Variants in PCNX3 observed in about 807,000 individuals in gnomAD.
The protein encoded by PCNX3 is pecanex-like protein 3.
PCNX3 carries 58 observed loss-of-function variants against 207.2 expected under a neutral mutation model. The ratio of observed to expected loss-of-function variants is 0.28; its 90% CI spans 0.23 to 0.35. The LOEUF (loss-of-function observed/expected upper bound fraction) is 0.35. Ranked by LOEUF, PCNX3 falls within the 10% of genes least tolerant of loss-of-function variation. The pLI is 1.00. For missense variants in PCNX3, 2,410 were observed against 2,774.4 expected (o/e 0.87, Z 2.95); for synonymous variants, 1,337 against 1,183.5 (o/e 1.13, Z -2.66).
intron 12 of PCNX3, 111 bp from the exon 13 acceptor site, chr11:65,623,818 G>T (rs1469795005): frequency 6.4e-7 from 1 of 1,555,422 alleles, no homozygotes; most frequent in Admixed American, 1.7e-5. Context: ...CAGTTCGGGG[G>T]CCTGACCTGG....
rs1292093185 is a variant in PCNX3 at position 65,635,917 on chromosome 11, T to A, written c.5459+114T>A. ...GAGCCAGGGCTTGAATCCCGAGAGATGACCCCCTCCCAGAGCTGACCTGCC... is the reference window on the plus strand; with the variant it reads ...GAGCCAGGGCTTGAATCCCGAGAGAAGACCCCCTCCCAGAGCTGACCTGCC... On this transcript the variant is annotated intron_variant, in intron 32 of 34. Transcript: ENST00000355703. This position sits in a 1 kb window ranked among gnomAD's most constrained non-coding sequence, Gnocchi z 9.9. 23 of 1,405,680 alleles carry A rather than the reference T, an allele frequency of 1.6e-5. No individual in the cohort carries two copies. The highest frequency in any genetic ancestry group is 2.2e-5 in the Non-Finnish European group (23 of 1,057,774). The allele number at this position is 1,405,680 out of a possible 1,614,324, so 87.1% of individuals were successfully genotyped here.
chr11:65,619,711 C>T lies in PCNX3; in HGVS notation c.1830-43C>T, dbSNP rs200861189. 1.9e-4 allele frequency: 292 copies of T among 1,564,764 alleles called. 1 individual carries two copies. In the African/African-American group the frequency reaches 2.6e-3, roughly 14 times the overall value. On this transcript the variant is annotated intron_variant, in intron 7 of 34. Transcript: ENST00000355703. ...GGGGCACCGGGGGCCGGGGAGGGCCCGCAAGCTCTAGCTGGCGCTGACCTG... is the reference window on the plus strand; with the variant it reads ...GGGGCACCGGGGGCCGGGGAGGGCCTGCAAGCTCTAGCTGGCGCTGACCTG...
Position 65,618,413 on chromosome 11 carries a change from G to C in PCNX3, c.1051G>C (p.Ala351Pro). Residue 351 changes from alanine (A) to proline (P), a missense_variant, in exon 6 of 35, where the codon GCC becomes CCC. This residue lies in a region of PCNX3 where 1,104 missense variants were observed against 970.3 expected (regional missense o/e 1.14). Transcript: ENST00000355703. ...SEAELPASPD[A>P]GVPSDDTLRS... Reference sequence around the variant, plus strand: ...GGCTGAGCTGCCTGCCTCACCAGACGCCGGGGTCCCCTCAGATGACACGCT... The same window carrying C: ...GGCTGAGCTGCCTGCCTCACCAGACCCCGGGGTCCCCTCAGATGACACGCT... 1 of 1,612,496 alleles carries C rather than the reference G, an allele frequency of 6.2e-7. No individual in the cohort carries two copies. Among genetic ancestry groups the C allele is most frequent in the Non-Finnish European group, 8.5e-7 (1 of 1,179,732 alleles).
chr11:65,631,010 G>A (rs987323591), intron 27 of PCNX3, among the ~76,000 whole-genome samples: 4 of 152,222 alleles, frequency 2.6e-5, no homozygotes, highest in African/African-American at 4.8e-5. Context: ...CGCTATGCTG[G>A]GCATCTCTCC....
In PCNX3 at chr11:65,625,477, G is replaced by A. The variant is rs781064157; in HGVS notation, c.3102G>A (p.Pro1034=). The change falls in exon 18 of 35, where the codon CCG becomes CCA. Residue 1034 remains proline (P), a synonymous_variant. Coordinates refer to ENST00000355703, the MANE Select transcript of PCNX3 (RefSeq NM_032223.4). This position sits in a 1 kb window ranked among gnomAD's most constrained non-coding sequence, Gnocchi z 5.6. The part of the protein sequence containing the change: ...RSLETARAEP[P]DPLPDKMRQS... ...TGGAGACAGCCCGGGCCGAGCCCCC[G>A]GACCCCTTGCCGGACAAGATGCGCC... 41 of 1,605,270 alleles carry A rather than the reference G, an allele frequency of 2.6e-5. No individual in the cohort carries two copies. Among genetic ancestry groups the A allele is most frequent in the African/African-American group, 6.7e-5 (5 of 74,926 alleles).
chr11:65,634,929 C>A, intron 29 of PCNX3, 44 bp from the exon 30 acceptor site: 1 of 1,586,450 alleles, frequency 6.3e-7, no homozygotes, highest in South Asian at 1.1e-5. Flanking sequence ...ACCCCTGGGT[C>A]CTCGACACCC....
At position 65,618,741 on chromosome 11, in the gene PCNX3, G is replaced by A; in HGVS notation, c.1379G>A (p.Gly460Asp). The A allele has an allele frequency of 2.5e-6, 4 of 1,612,220 alleles. No homozygotes were observed. The highest frequency in any genetic ancestry group is 2.2e-5 in the South Asian group (2 of 91,050). Residue 460 changes from glycine (G) to aspartate (D), a missense_variant, in exon 6 of 35, where the codon GGT becomes GAT. Around this residue, in one of 8 missense-constraint regions of PCNX3, gnomAD observed 1,104 missense variants for 970.3 expected, o/e 1.14. Transcript: ENST00000355703. ...TSCYSPESSR[G>D]AAGGPRKRRA... ...TGCTACTCCCCTGAGAGCTCCCGGG[G>A]TGCAGCAGGGGGACCCCGGAAGCGG...
Position 65,618,864 on chromosome 11 carries a change from C to G in PCNX3, c.1502C>G (p.Ala501Gly). The change falls in exon 6 of 35, where the codon GCC (alanine) becomes GGC (glycine). Residue 501 changes from alanine to glycine, a missense_variant. By Grantham distance (60) the Ala-to-Gly change is moderately conservative (BLOSUM62 0). Around this residue, in one of 8 missense-constraint regions of PCNX3, gnomAD observed 1,104 missense variants for 970.3 expected, o/e 1.14. Transcript: ENST00000355703. The stretch of plus-strand genomic sequence containing the variant: ...AGTACCGCCAGCGCTAAAACACATG[C>G]CCGTGTGCTGAGCATGGATGGGGCT... ...TPSTASAKTH[A>G]RVLSMDGAGG... is the part of the protein sequence containing the mutation. 3 of 1,610,526 alleles carry G rather than the reference C, an allele frequency of 1.9e-6. No individual in the cohort carries two copies. The highest frequency in any genetic ancestry group is 2.5e-6 in the Non-Finnish European group (3 of 1,179,042).
At chr11:65,634,065 G>A in intron 27 of PCNX3, 61 bp from the exon 28 acceptor site, 1 of 1,456,672 alleles carries the variant, frequency 6.9e-7, no homozygotes, top group Admixed American at 1.9e-5. Flanking sequence ...GAACCTCCAT[G>A]CTTTCTCCTC....
intron 26 of PCNX3, 75 bp from the exon 27 acceptor site, chr11:65,630,276 T>C: frequency 6.5e-7 from 1 of 1,534,064 alleles, no homozygotes; most frequent in South Asian, 1.2e-5. Context: ...TCTGATGCCA[T>C]GTTGGTCACT....
At position 65,616,814 on chromosome 11, in the gene PCNX3, T is replaced by C. The variant is rs1449641293; in HGVS notation, c.154-10T>C. On this transcript the variant is annotated splice_polypyrimidine_tract_variant and intron_variant, in intron 1 of 34. Transcript: ENST00000355703. ...TTGTGAAAAGGGACCTGGCTTACTT[T>C]CATCTTCAGGTCCTGCCTCCCAGCT... 2 of 1,606,298 alleles carry C rather than the reference T, an allele frequency of 1.2e-6. No individual in the cohort carries two copies. The highest frequency in any genetic ancestry group is 1.3e-5 in the African/African-American group (1 of 74,952).
At chr11:65,619,993 C>G (rs149450828) in intron 8 of PCNX3, 61 bp downstream of exon 8, 6 of 1,507,274 alleles carry the variant, frequency 4.0e-6, no homozygotes, top group Admixed American at 3.8e-5. Flanking sequence ...CAGCCTGAGT[C>G]CTCCTAGCAG....
chr11:65,622,181 A>G, intron 10 of PCNX3, 64 bp from the exon 11 acceptor site: 1 of 1,538,152 alleles, frequency 6.5e-7, no homozygotes, highest in Non-Finnish European at 8.8e-7. Context: ...GGCGGGGCTG[A>G]CGGCCGCGGC....
rs1565153559 is a variant in PCNX3, at chr11:65,618,456, T to C, written c.1094T>C (p.Val365Ala). 2 of 1,610,282 alleles carry C rather than the reference T, an allele frequency of 1.2e-6. No individual in the cohort carries two copies. The highest frequency in any genetic ancestry group is 1.7e-6 in the Non-Finnish European group (2 of 1,178,854). Residue 365 changes from valine to alanine, a missense_variant, in exon 6 of 35, where the codon GTC becomes GCC. By Grantham distance (64) the Val-to-Ala change is moderately conservative. Coordinates refer to ENST00000355703, the MANE Select transcript of PCNX3 (RefSeq NM_032223.4). ...SDDTLRSFDT[V>A]IGAGTPPGLA... ...GACACGCTGCGTTCCTTTGACACGG[T>C]CATTGGAGCAGGGACGCCACCGGGC...
At chr11:65,630,628 G>C in intron 27 of PCNX3, 24 bp downstream of exon 27, 2 of 1,598,118 alleles carry the variant, frequency 1.3e-6, no homozygotes, top group Non-Finnish European at 1.7e-6. Context: ...GTGTGGCCGG[G>C]CAGCAGGGCC....
In PCNX3 at chr11:65,620,835, C is replaced by G; in HGVS notation, c.2104C>G (p.Arg702Gly). ...GEQTANGAWD[R>G]HSHSSSFHSA... ...TGATGGCTGCTGTTCTCACAGGGAC[C>G]GACACTCGCATTCCTCCAGCTTCCA... The change falls in exon 10 of 35, where the codon CGA (arginine) becomes GGA (glycine). Residue 702 changes from arginine (R) to glycine (G), a missense_variant. Transcript: ENST00000355703. 6.3e-7 allele frequency: 1 copy of G among 1,595,768 alleles called. No homozygotes were observed.
At chr11:65,624,650 C>G in intron 15 of PCNX3, 69 bp downstream of exon 15, 1 of 1,393,834 alleles carries the variant, frequency 7.2e-7, no homozygotes, top group Non-Finnish European at 9.9e-7. Context: ...CGGATTGGGT[C>G]CTTGGCTCCA....
intron 12 of PCNX3, 43 bp from the exon 13 acceptor site, chr11:65,623,886 T>C (rs1358311120): frequency 6.2e-7 from 1 of 1,612,212 alleles, no homozygotes; most frequent in East Asian, 2.2e-5. Flanking sequence ...GACCATCCCG[T>C]GGGCATCGGC....
Position 65,623,567 on chromosome 11 carries a change from C to T in PCNX3, c.2434C>T (p.Leu812Phe). 6.2e-7 allele frequency: 1 copy of T among 1,613,988 alleles called. No homozygotes were observed. Among genetic ancestry groups the T allele is most frequent in the South Asian group, 1.1e-5 (1 of 91,088 alleles). The change falls in exon 12 of 35, where the codon CTC becomes TTC. Residue 812 changes from leucine (L) to phenylalanine (F), a missense_variant. By Grantham distance (22) the Leu-to-Phe change is conservative. Around this residue, in one of 8 missense-constraint regions of PCNX3, gnomAD observed 177 missense variants for 257.5 expected, o/e 0.69. Coordinates refer to ENST00000355703, the MANE Select transcript of PCNX3 (RefSeq NM_032223.4). ...LVAFLGYLLL[L>F]KGFFTDIWVF... ...GGCCTTCCTGGGCTACCTGCTGCTGCTCAAGGGCTTCTTCACTGACATCTG... is the reference window on the plus strand; with the variant it reads ...GGCCTTCCTGGGCTACCTGCTGCTGTTCAAGGGCTTCTTCACTGACATCTG...
Sources: gnomAD v4.1 joint callset for allele counts (sites outside exome capture counted in the v4.1 genomes callset) on GRCh38, gnomAD v4.1.1 for gene constraint, gnomAD v4.1.1 regional missense constraint, Gnocchi (gnomAD v3.1) non-coding constraint, MANE v1.5 for transcripts, NCBI Gene and HGNC (gene_info 2026-07-23, HGNC 2026-07-21) for gene names.